Variants in EPHA5 observed in about 807,000 individuals in gnomAD.
The protein encoded by EPHA5 is EPH receptor A5, also known as ephrin type-A receptor 5.
A neutral mutation model predicts 105.0 loss-of-function variants in EPHA5; 60 were observed. The ratio of observed to expected loss-of-function variants is 0.57; its 90% CI spans 0.46 to 0.71. EPHA5 has a LOEUF of 0.71. EPHA5 is among the 30% of genes least tolerant of loss of function. The pLI is 0.00. For synonymous variants in EPHA5, 513 were observed against 449.1 expected (o/e 1.14, Z -1.80); for missense variants, 1,218 against 1,274.7 (o/e 0.96, Z 0.68).
At chr4:65,456,985 T>A (rs1211436788) in intron 5 of EPHA5, among the ~76,000 whole-genome samples, 2 of 152,164 alleles carry the variant, frequency 1.3e-5, no homozygotes, top group Non-Finnish European at 2.9e-5. Flanking sequence ...TATCATTGTT[T>A]TATTAGGGTA....
At chr4:65,402,385 T>C (rs1019586675) in intron 8 of EPHA5, among the ~76,000 whole-genome samples, 4 of 152,132 alleles carry the variant, frequency 2.6e-5, no homozygotes, top group Admixed American at 2.6e-4. Context: ...GGTTACCAAA[T>C]AGTAAGTAGA....
chr4:65,634,623 T>G (rs1746948705), intron 2 of EPHA5, among the ~76,000 whole-genome samples: 1 of 152,092 alleles, frequency 6.6e-6, no homozygotes. Flanking sequence ...CAAAGCTACT[T>G]TGGATCAGGC....
chr4:65,426,441 A>AT (rs767587291), intron 5 of EPHA5, among the ~76,000 whole-genome samples: 10 of 151,906 alleles, frequency 6.6e-5, no homozygotes, highest in Non-Finnish European at 1.0e-4. Flanking sequence ...TTAATTTCTT[A>AT]TTTTTCTTTA....
chr4:65,448,180 T>C (rs184032492), intron 5 of EPHA5, among the ~76,000 whole-genome samples: 1 of 151,258 alleles, frequency 6.6e-6, no homozygotes, highest in Admixed American at 6.6e-5. Flanking sequence ...CAAGCTCTTT[T>C]AGAGGACAAT....
rs982242205 is a variant in EPHA5 at position 65,320,189 on chromosome 4, A to G, written c.*3925T>C. On this transcript the variant is annotated 3_prime_UTR_variant, in exon 17 of 17. Coordinates refer to ENST00000613740, the MANE Select transcript of EPHA5 (RefSeq NM_001281766.3). ...AAAGAAAGTTCCTATTTCTATTTTG[A>G]TACATTACTATATAATTAACAGCAC... 5 of 230,152 alleles carry G rather than the reference A, an allele frequency of 2.2e-5. No homozygotes were observed. In the East Asian group the frequency reaches 2.5e-4, roughly 11 times the overall value. The allele number at this position is 230,152 out of a possible 1,614,324, so 14.3% of individuals were successfully genotyped here.
intron 5 of EPHA5, among the ~76,000 whole-genome samples, chr4:65,448,243 AAAG>A (rs1726747683): frequency 6.6e-6 from 1 of 151,938 alleles, no homozygotes; most frequent in Non-Finnish European, 1.5e-5. Context: ...TAAAAAAAGC[AAAG>A]AATAGTCAAA....
chr4:65,438,811 T>C (rs1310879007), intron 5 of EPHA5, among the ~76,000 whole-genome samples: 6 of 151,970 alleles, frequency 3.9e-5, no homozygotes, highest in South Asian at 4.1e-4. Flanking sequence ...GGAAACCATA[T>C]AAAAGAAAGG....
chr4:65,329,754 A>T (rs1396664628), intron 16 of EPHA5, among the ~76,000 whole-genome samples: 2 of 149,712 alleles, frequency 1.3e-5, no homozygotes, highest in Admixed American at 6.7e-5. Context: ...GAGCTGGCCT[A>T]TTTCTTTTGC....
intron 5 of EPHA5, among the ~76,000 whole-genome samples, chr4:65,475,044 T>G (rs774173099): frequency 1.1e-4 from 17 of 152,232 alleles, no homozygotes; most frequent in Admixed American, 2.0e-4. Flanking sequence ...GGAGGCAAAA[T>G]AGAGACTAAA....
At chr4:65,507,684 A>T (rs1325655338) in intron 3 of EPHA5, among the ~76,000 whole-genome samples, 1 of 152,132 alleles carries the variant, frequency 6.6e-6, no homozygotes, top group Non-Finnish European at 1.5e-5. Flanking sequence ...TTATTCGTGT[A>T]TAAGAATGCT....
intron 5 of EPHA5, among the ~76,000 whole-genome samples, chr4:65,456,848 T>G (rs1042377313): frequency 6.6e-6 from 1 of 152,162 alleles, no homozygotes; most frequent in Admixed American, 6.6e-5. Context: ...TGGAAGTAAG[T>G]TGATATACTT....
chr4:65,641,284 T>C (rs187219046), intron 2 of EPHA5, among the ~76,000 whole-genome samples: 42 of 152,290 alleles, frequency 2.8e-4, no homozygotes, highest in Non-Finnish European at 3.5e-4. Context: ...AACCTTGCTA[T>C]CTTTAAAAGA....
intron 3 of EPHA5, among the ~76,000 whole-genome samples, chr4:65,503,076 A>G (rs1446549552): frequency 2.6e-5 from 4 of 151,852 alleles, no homozygotes; most frequent in Non-Finnish European, 5.9e-5. Context: ...GTACCCATGA[A>G]CATAAAGATG....
chr4:65,493,598 A>T (rs894695603), intron 4 of EPHA5, among the ~76,000 whole-genome samples: 10 of 152,154 alleles, frequency 6.6e-5, no homozygotes, highest in Admixed American at 6.6e-5. Context: ...CTAATTTTTT[A>T]AATTTAATTT....
chr4:65,570,548 T>C (rs1459083482), intron 3 of EPHA5, among the ~76,000 whole-genome samples: 2 of 151,812 alleles, frequency 1.3e-5, no homozygotes, highest in African/African-American at 4.8e-5. Flanking sequence ...GTCAGCTTTC[T>C]TTTCCAGAAT....
intron 5 of EPHA5, among the ~76,000 whole-genome samples, chr4:65,424,051 C>T (rs936330588): frequency 1.3e-5 from 2 of 151,952 alleles, no homozygotes; most frequent in African/African-American, 2.4e-5. Context: ...TCTGTAACCT[C>T]CCACTCTAAT....
At position 65,608,200 on chromosome 4, in the gene EPHA5, TA is replaced by T. The variant is rs1040093862; in HGVS notation, c.247-5897del. Among the ~76,000 whole-genome samples the T allele has an allele frequency of 6.6e-5, 10 of 152,206 alleles. 1 individual carries two copies. Among genetic ancestry groups the T allele is most frequent in the Admixed American group, 6.5e-4 (10 of 15,294 alleles). On this transcript the variant is annotated intron_variant, in intron 2 of 16. Transcript: ENST00000613740. The stretch of plus-strand genomic sequence containing the variant: ...ATATATCCCAGAGCTTAAAGTATTT[TA>T]AAAAAGCAGTACCACCCCATGATTT...
chr4:65,349,758 G>A (rs529213461), intron 13 of EPHA5, among the ~76,000 whole-genome samples: 3 of 152,036 alleles, frequency 2.0e-5, no homozygotes, highest in Non-Finnish European at 2.9e-5. Flanking sequence ...ATTCTCATTC[G>A]TTAAATATTC....
intron 5 of EPHA5, among the ~76,000 whole-genome samples, chr4:65,456,343 G>T (rs1385739676): frequency 6.6e-6 from 1 of 151,342 alleles, no homozygotes; most frequent in African/African-American, 2.4e-5. Context: ...TTCTTCACAG[G>T]AGTGGAAGAA....
Sources: gnomAD v4.1 joint callset for allele counts (sites outside exome capture counted in the v4.1 genomes callset) on GRCh38, gnomAD v4.1.1 for gene constraint, MANE v1.5 for transcripts, NCBI Gene and HGNC (gene_info 2026-07-23, HGNC 2026-07-21) for gene names.